MCRIP1: variants seen among roughly 807,000 people sequenced by gnomAD.
MCRIP1 encodes the protein mapk-regulated corepressor-interacting protein 1.
In MCRIP1, 10 loss-of-function variants were observed where a neutral mutation model predicts 14.4. The observed-to-expected ratio is 0.70, with a 90% CI of 0.43 to 1.18. The LOEUF (loss-of-function observed/expected upper bound fraction) is 1.18. Among genes scored for constraint, MCRIP1 ranks in the 50% most tolerant of loss-of-function variants. MCRIP1 has a pLI of 0.00. For missense variants in MCRIP1, 119 were observed against 135.4 expected (o/e 0.88, Z 0.60); for synonymous variants, 53 against 55.7 (o/e 0.95, Z 0.21).
chr17:81,825,980 C>T (rs1253935569), intron 1 of MCRIP1: 2 of 1,334,510 alleles, frequency 1.5e-6, no homozygotes, highest in Non-Finnish European at 2.0e-6. Flanking sequence ...CCCTGCCTCG[C>T]CCCCTGCTGG....
intron 1 of MCRIP1, among the ~76,000 whole-genome samples, chr17:81,829,246 C>G (rs539065552): frequency 1.3e-5 from 2 of 150,152 alleles, no homozygotes; most frequent in African/African-American, 4.9e-5. Context: ...TGACCGAGGC[C>G]GACCACAGGT....
At chr17:81,824,858 C>T in intron 1 of MCRIP1, 2 of 1,277,792 alleles carry the variant, frequency 1.6e-6, no homozygotes, top group Non-Finnish European at 2.0e-6. Context: ...GAGGCCTCAG[C>T]CCCAGCACCG....
Position 81,822,806 on chromosome 17 carries a change from G to A in MCRIP1, c.*441C>T, listed in dbSNP as rs371282515. ...GCGGGGAGCCCAGGCTGGATGGGGT[G>A]GGGCTGCCCTTGTCCTGTATCCTGA... On this transcript the variant is annotated 3_prime_UTR_variant, in exon 5 of 5. Transcript: ENST00000455127. 2 of 239,404 alleles carry A rather than the reference G, an allele frequency of 8.4e-6. No individual in the cohort carries two copies. The highest frequency in any genetic ancestry group is 1.1e-4 in the East Asian group (1 of 9,504). 14.8% of individuals were successfully genotyped at this position (239,404 alleles called of 1,614,324 possible). A position where few individuals can be genotyped will look rare whatever the true frequency, so the allele number is the denominator to read the frequency against.
intron 1 of MCRIP1, chr17:81,826,319 G>GCACACACCTGTCTGTACACACCTGCCCA: frequency 3.3e-6 from 5 of 1,535,144 alleles, no homozygotes; most frequent in Non-Finnish European, 4.4e-6. Context: ...ACAACCGCCC[G>GCACACACCTGTCTGTACACACCTGCCCA]CACACACCTG....
intron 1 of MCRIP1, among the ~76,000 whole-genome samples, chr17:81,829,086 A>G (rs1262820291): frequency 6.6e-6 from 1 of 152,158 alleles, no homozygotes; most frequent in East Asian, 1.9e-4. Flanking sequence ...AGTGGGTGAG[A>G]GTGAGCAGGG....
chr17:81,828,928 G>T (rs1428145841), intron 1 of MCRIP1, among the ~76,000 whole-genome samples: 2 of 152,178 alleles, frequency 1.3e-5, no homozygotes, highest in African/African-American at 4.8e-5. Context: ...GAGGGGGGAG[G>T]GCAGGAAGTG....
chr17:81,826,268 T>C, intron 1 of MCRIP1: 1 of 1,531,286 alleles, frequency 6.5e-7, no homozygotes, highest in Non-Finnish European at 8.7e-7. Flanking sequence ...CATACCTACC[T>C]GCACACACCT....
intron 1 of MCRIP1, 93 bp downstream of exon 1, chr17:81,833,145 C>A (rs992656173): frequency 2.0e-5 from 3 of 146,676 alleles, no homozygotes; most frequent in Non-Finnish European, 4.6e-5. Flanking sequence ...CCCTGCAGGG[C>A]ACCCGCGGCC....
At chr17:81,825,409 C>T in intron 1 of MCRIP1, 1 of 1,191,048 alleles carries the variant, frequency 8.4e-7, no homozygotes, top group Non-Finnish European at 1.1e-6. Flanking sequence ...CTGCCCTGCT[C>T]CAGAGGGGGC....
intron 1 of MCRIP1, chr17:81,826,539 C>G (rs2038401262): frequency 5.2e-6 from 3 of 578,324 alleles, no homozygotes; most frequent in African/African-American, 4.6e-5. Flanking sequence ...AAAAAAAAAG[C>G]CCAGGCACGG....
At chr17:81,831,502 T>C (rs1476723739) in intron 1 of MCRIP1, among the ~76,000 whole-genome samples, 1 of 151,468 alleles carries the variant, frequency 6.6e-6, no homozygotes, top group Non-Finnish European at 1.5e-5. Flanking sequence ...AGCCCACTCT[T>C]AGGAAGGTGG....
Position 81,823,365 on chromosome 17 carries a change from G to A in MCRIP1, c.229+47C>T. 10 of 1,536,126 alleles carry A rather than the reference G, an allele frequency of 6.5e-6. No homozygotes were observed. The South Asian group carries it at 9.5e-5, about 15-fold the overall frequency. ...GGCACAGGCCCCTCCTGCCCATGAG[G>A]CCCGGCCTGCCGGCCCAGCCCTGCC... On this transcript the variant is annotated intron_variant, in intron 4 of 4. Coordinates refer to ENST00000455127, the MANE Select transcript of MCRIP1 (RefSeq NM_207368.5). The surrounding 1 kb of genome is among the most constrained non-coding windows in gnomAD (Gnocchi z 6.0).
intron 1 of MCRIP1, chr17:81,826,515 C>A (rs140438341): frequency 6.3e-6 from 4 of 633,068 alleles, no homozygotes; most frequent in Admixed American, 3.3e-5. Context: ...AGAGCAAGAC[C>A]CTGTGTCAAA....
Position 81,823,473 on chromosome 17 carries a change from C to A in MCRIP1, c.168G>T (p.Pro56=). ...GVERDLRGQV[P]GGERGLVEEY... is the part of the protein sequence containing the mutation. The stretch of plus-strand genomic sequence containing the variant: ...CCTCCACCAGGCCCCGCTCGCCACC[C>A]GGCACCTGGCCTCGCAGGTCTCGCT... Residue 56 remains proline (P), a synonymous_variant, in exon 4 of 5, where the codon CCG becomes CCT. Coordinates refer to ENST00000455127, the MANE Select transcript of MCRIP1 (RefSeq NM_207368.5). This position sits in a 1 kb window ranked among gnomAD's most constrained non-coding sequence, Gnocchi z 6.0. 6.5e-7 allele frequency: 1 copy of A among 1,536,622 alleles called. No individual in the cohort carries two copies. The highest frequency in any genetic ancestry group is 8.7e-7 in the Non-Finnish European group (1 of 1,146,776).
At chr17:81,828,196 C>T (rs903502399) in intron 1 of MCRIP1, among the ~76,000 whole-genome samples, 2 of 152,140 alleles carry the variant, frequency 1.3e-5, no homozygotes, top group East Asian at 1.9e-4. Context: ...TTCCCAGACA[C>T]GAAGAGCCCT....
intron 1 of MCRIP1, chr17:81,826,323 A>T: frequency 6.5e-7 from 1 of 1,535,544 alleles, no homozygotes; most frequent in Non-Finnish European, 8.7e-7. Context: ...CCGCCCGCAC[A>T]CACCTGTCTG....
chr17:81,826,675 T>C (rs540416799), intron 1 of MCRIP1: 11 of 381,680 alleles, frequency 2.9e-5, no homozygotes, highest in East Asian at 2.0e-4. Flanking sequence ...CAAAATTAGT[T>C]GGGCGTGGTG....
chr17:81,830,311 G>A (rs1208530533), intron 1 of MCRIP1, among the ~76,000 whole-genome samples: 3 of 152,244 alleles, frequency 2.0e-5, no homozygotes, highest in Non-Finnish European at 2.9e-5. Flanking sequence ...ACAAGCATGT[G>A]CTGTATGGTT....
At chr17:81,828,227 T>C (rs2038449666) in intron 1 of MCRIP1, among the ~76,000 whole-genome samples, 1 of 151,880 alleles carries the variant, frequency 6.6e-6, no homozygotes, top group Admixed American at 6.6e-5. Flanking sequence ...CCCTACTTCT[T>C]CCTCCAGCTT....
Sources: gnomAD v4.1 joint callset for allele counts (sites outside exome capture counted in the v4.1 genomes callset) on GRCh38, gnomAD v4.1.1 for gene constraint, Gnocchi (gnomAD v3.1) non-coding constraint, MANE v1.5 for transcripts, NCBI Gene and HGNC (gene_info 2026-07-23, HGNC 2026-07-21) for gene names.